Variants in UNC13B observed in about 807,000 individuals in gnomAD.
The protein encoded by UNC13B is unc-13 homolog B, also known as protein unc-13 homolog B.
UNC13B carries 144 observed loss-of-function variants against 211.0 expected under a neutral mutation model. The observed-to-expected ratio is 0.68, with a 90% CI of 0.60 to 0.78. The LOEUF is 0.78. Ranked by LOEUF, UNC13B falls within the 30% of genes least tolerant of loss-of-function variation. UNC13B has a pLI of 0.00. For missense variants in UNC13B, 1,777 were observed against 2,002.0 expected, an observed-to-expected ratio of 0.89 and a Z score of 2.14; for synonymous variants, 709 against 725.8, an observed-to-expected ratio of 0.98 and a Z score of 0.37.
At chr9:35,279,378 C>T (rs545808830) in intron 7 of UNC13B, among the ~76,000 whole-genome samples, 1 of 152,292 alleles carries the variant, frequency 6.6e-6, no homozygotes, top group East Asian at 1.9e-4. Flanking sequence ...AGTCCTTTAT[C>T]CCATCTTATG....
chr9:35,403,012 T>G (rs1836424177), intron 37 of UNC13B, among the ~76,000 whole-genome samples, 155 bp from the exon 38 acceptor site: 1 of 152,170 alleles, frequency 6.6e-6, no homozygotes, highest in African/African-American at 2.4e-5. Context: ...GCCTTGTTCT[T>G]TATCCCATTT....
rs369440170 is a variant in UNC13B at position 35,328,528 on chromosome 9, C to T, written c.9414+14539C>T. ...GCCACCAACTGAGATGATCCTTCCA[C>T]TGTATTCCAAAGTTTCCCTACAAAG... is the stretch of plus-strand genomic sequence containing the variant. On this transcript the variant is annotated intron_variant, in intron 11 of 39. Coordinates refer to ENST00000635942, the MANE Select transcript of UNC13B (RefSeq NM_001371189.2). 2.8e-4 allele frequency among the ~76,000 whole-genome samples: 42 copies of T among 152,234 alleles called. No individual in the cohort carries two copies. In the South Asian group the frequency reaches 8.1e-3, roughly 29 times the overall value.
chr9:35,376,915 A>G (rs1432518252), intron 15 of UNC13B, among the ~76,000 whole-genome samples: 1 of 152,092 alleles, frequency 6.6e-6, no homozygotes, highest in Non-Finnish European at 1.5e-5. Flanking sequence ...CTGGCCTTGC[A>G]CTCACTGTGG....
chr9:35,193,346 G>C (rs1179206861), intron 1 of UNC13B, among the ~76,000 whole-genome samples: 1 of 152,088 alleles, frequency 6.6e-6, no homozygotes, highest in Non-Finnish European at 1.5e-5. Context: ...AGGCAGAATA[G>C]GTGCCTTAAA....
intron 11 of UNC13B, chr9:35,351,179 G>A (rs1832696439): frequency 3.5e-6 from 2 of 576,780 alleles, no homozygotes; most frequent in African/African-American, 2.0e-5. Context: ...GCAGGTCAGG[G>A]TTGATTCCTA....
chr9:35,289,377 G>T (rs551399982), intron 7 of UNC13B, among the ~76,000 whole-genome samples: 2 of 152,158 alleles, frequency 1.3e-5, no homozygotes, highest in African/African-American at 4.8e-5. Flanking sequence ...CAGACCTTGG[G>T]ACTGTCAGAG....
At chr9:35,255,035 A>G (rs1439064576) in intron 6 of UNC13B, among the ~76,000 whole-genome samples, 1 of 118,328 alleles carries the variant, frequency 8.5e-6, no homozygotes, top group African/African-American at 3.3e-5. Context: ...ATAATATAAT[A>G]TATATTATAT....
At chr9:35,173,102 G>A (rs966805382) in intron 1 of UNC13B, among the ~76,000 whole-genome samples, 1 of 152,216 alleles carries the variant, frequency 6.6e-6, no homozygotes, top group Non-Finnish European at 1.5e-5. Context: ...AGAGGGCAGG[G>A]AGGGAGATCT....
chr9:35,383,086 G>A (rs1021125680), intron 21 of UNC13B, among the ~76,000 whole-genome samples: 1 of 152,182 alleles, frequency 6.6e-6, no homozygotes, highest in Non-Finnish European at 1.5e-5. Flanking sequence ...GTTGAATTAC[G>A]ATAGTCTTCC....
At chr9:35,394,017 G>A (rs897716428) in intron 26 of UNC13B, among the ~76,000 whole-genome samples, 1 of 152,164 alleles carries the variant, frequency 6.6e-6, no homozygotes, top group African/African-American at 2.4e-5. Context: ...CCAGTCTGGA[G>A]GCTATTATAG....
rs1360389491 is a variant in UNC13B, at chr9:35,303,300, A to G, written c.3896A>G (p.Gln1299Arg). 5 of 398,522 alleles carry G rather than the reference A, an allele frequency of 1.3e-5. No individual in the cohort carries two copies. Among genetic ancestry groups the G allele is most frequent in the Admixed American group, 8.8e-5 (2 of 22,706 alleles). 24.7% of individuals were successfully genotyped at this position (398,522 alleles called of 1,614,324 possible). ...GTACTTCACTGTGCTCCAAGTGCTCAGCTAGGTTTTTTGGAGAAATCTATG... is the reference window on the plus strand; with the variant it reads ...GTACTTCACTGTGCTCCAAGTGCTCGGCTAGGTTTTTTGGAGAAATCTATG... ...NIVLHCAPSA[Q>R]LGFLEKSMAK... is the part of the protein sequence containing the mutation. Residue 1299 changes from glutamine (Q) to arginine (R), a missense_variant, in exon 9 of 40, where the codon CAG becomes CGG. Gln to Arg is a conservative substitution (Grantham distance 43, BLOSUM62 1). Transcript: ENST00000635942.
chr9:35,355,965 G>T (rs1440826712), intron 11 of UNC13B, among the ~76,000 whole-genome samples: 1 of 152,216 alleles, frequency 6.6e-6, no homozygotes, highest in Non-Finnish European at 1.5e-5. Context: ...TTTCTGGGCT[G>T]CATCCTTCTA....
At chr9:35,382,724 G>C (rs992443947) in intron 21 of UNC13B, among the ~76,000 whole-genome samples, 1 of 151,848 alleles carries the variant, frequency 6.6e-6, no homozygotes, top group Admixed American at 6.6e-5. Context: ...CACCACGCCC[G>C]GATAATTTTT....
At chr9:35,231,279 A>G (rs930404488) in intron 3 of UNC13B, 60 bp downstream of exon 3, 1 of 1,075,238 alleles carries the variant, frequency 9.3e-7, no homozygotes, top group African/African-American at 1.6e-5. Context: ...AGGGAATTGC[A>G]TTGGATGAAA....
chr9:35,278,550 G>A (rs1383137501), intron 7 of UNC13B, among the ~76,000 whole-genome samples: 1 of 151,356 alleles, frequency 6.6e-6, no homozygotes, highest in Non-Finnish European at 1.5e-5. Context: ...TAAAATCCCA[G>A]AAGGCATAGG....
chr9:35,179,497 G>A (rs983170335), intron 1 of UNC13B, among the ~76,000 whole-genome samples: 1 of 152,246 alleles, frequency 6.6e-6, no homozygotes, highest in East Asian at 1.9e-4. Context: ...ACTTCACTAA[G>A]AATCATCTTC....
chr9:35,167,586 GTT>G (rs35751450), intron 1 of UNC13B, among the ~76,000 whole-genome samples: 2 of 114,984 alleles, frequency 1.7e-5, no homozygotes, highest in Non-Finnish European at 3.6e-5. Context: ...ATCTTTGTAG[GTT>G]TTTTTTTTTT....
At chr9:35,212,161 T>C (rs949372593) in intron 1 of UNC13B, among the ~76,000 whole-genome samples, 1 of 152,262 alleles carries the variant, frequency 6.6e-6, no homozygotes, top group African/African-American at 2.4e-5. Context: ...TTGCATGAAG[T>C]TAGACCCTAA....
At chr9:35,370,496 T>G in intron 13 of UNC13B, 100 bp downstream of exon 13, 1 of 1,072,290 alleles carries the variant, frequency 9.3e-7, no homozygotes, top group Non-Finnish European at 1.4e-6. Flanking sequence ...ATTTAATGAC[T>G]CAAATTGATC....
Sources: gnomAD v4.1 joint callset for allele counts (sites outside exome capture counted in the v4.1 genomes callset) on GRCh38, gnomAD v4.1.1 for gene constraint, MANE v1.5 for transcripts, NCBI Gene and HGNC (gene_info 2026-07-23, HGNC 2026-07-21) for gene names.